RPN2: variants seen among roughly 807,000 people sequenced by gnomAD.
The protein encoded by RPN2 is dolichyl-diphosphooligosaccharide--protein glycosyltransferase subunit 2.
RPN2 carries 29 observed loss-of-function variants against 71.4 expected under a neutral mutation model. That is an observed-to-expected ratio of 0.41 (90% confidence interval 0.30 to 0.55). RPN2 has a LOEUF of 0.55. Among genes scored for constraint, RPN2 ranks in the 20% least tolerant of loss-of-function variants. The probability of loss-of-function intolerance (pLI) is 0.35; values close to 1 mark genes in which losing one functional copy is unlikely to be tolerated. For missense variants in RPN2, 726 were observed against 774.1 expected, an observed-to-expected ratio of 0.94 and a Z score of 0.74; for synonymous variants, 308 against 305.0, an observed-to-expected ratio of 1.01 and a Z score of -0.10.
At chr20:37,223,421 GA>G (rs1032112560) in intron 9 of RPN2, among the ~76,000 whole-genome samples, 1 of 152,118 alleles carries the variant, frequency 6.6e-6, no homozygotes. Context: ...TTCCTTATCT[GA>G]AAAGCAGTAC....
At chr20:37,186,387 A>G (rs190921694) in intron 2 of RPN2, among the ~76,000 whole-genome samples, 10 of 152,288 alleles carry the variant, frequency 6.6e-5, no homozygotes, top group African/African-American at 1.9e-4. Context: ...ATCTGTAGGG[A>G]CTTTAGGCAT....
chr20:37,204,947 A>G, intron 6 of RPN2, 46 bp downstream of exon 6: 2 of 1,613,738 alleles, frequency 1.2e-6, no homozygotes, highest in African/African-American at 2.7e-5. Flanking sequence ...AGGGGTCATC[A>G]GCTGTATCTG....
intron 14 of RPN2, among the ~76,000 whole-genome samples, chr20:37,233,297 A>C (rs1052814882): frequency 1.3e-5 from 2 of 152,138 alleles, no homozygotes; most frequent in African/African-American, 4.8e-5. Context: ...AATGTAGAGG[A>C]AGTAACTTTT....
chr20:37,239,760 CT>C (rs976043790), intron 16 of RPN2, among the ~76,000 whole-genome samples: 14 of 152,164 alleles, frequency 9.2e-5, no homozygotes, highest in African/African-American at 2.9e-4. Context: ...CCCGGTGCCC[CT>C]TTTAGAGTCC....
At chr20:37,190,506 T>C (rs1313627759) in intron 2 of RPN2, among the ~76,000 whole-genome samples, 1 of 152,212 alleles carries the variant, frequency 6.6e-6, no homozygotes, top group Non-Finnish European at 1.5e-5. Flanking sequence ...ATAATAATAC[T>C]CAGCTCACAG....
At chr20:37,236,124 A>G (rs2068381307) in intron 15 of RPN2, among the ~76,000 whole-genome samples, 1 of 93,648 alleles carries the variant, frequency 1.1e-5, no homozygotes, top group African/African-American at 4.0e-5. Context: ...GAGACGAGGT[A>G]TCACTGTCAC....
Position 37,198,414 on chromosome 20 carries a change from C to G in RPN2, c.225C>G (p.Ile75Met), listed in dbSNP as rs558570645. Residue 75 changes from isoleucine (I) to methionine (M), a missense_variant, in exon 3 of 17, where the codon ATC becomes ATG. Transcript: ENST00000237530. ...CTGTGTAGAAAGCATGTACCTACAT[C>G]AGATCTAACCTTGATCCCAGCAATG... ...VPDAKKACTY[I>M]RSNLDPSNVD... 2 of 1,614,220 alleles carry G rather than the reference C, an allele frequency of 1.2e-6. No homozygotes were observed. The highest frequency in any genetic ancestry group is 2.7e-5 in the African/African-American group (2 of 75,056).
Position 37,210,065 on chromosome 20 carries a change from C to T in RPN2, c.886C>T (p.Leu296=), listed in dbSNP as rs766795746. Reference sequence around the variant, plus strand: ...TTTCCAGTTGCAAGTCACCAATGTTCTGTCTCAGCCTCTGACTCAGGCCAC... The same window carrying T: ...TTTCCAGTTGCAAGTCACCAATGTTTTGTCTCAGCCTCTGACTCAGGCCAC... ...AILRLQVTNV[L]SQPLTQATVK... Residue 296 remains leucine, a synonymous_variant, in exon 8 of 17, where the codon CTG becomes TTG. Transcript: ENST00000237530. 6 of 1,614,000 alleles carry T rather than the reference C, an allele frequency of 3.7e-6. No homozygotes were observed. In the Admixed American group the frequency reaches 1.0e-4, roughly 27 times the overall value.
Position 37,241,325 on chromosome 20 carries a change from A to G in RPN2, c.*10A>G. The G allele has an allele frequency of 6.2e-7, 1 of 1,612,830 alleles. No individual in the cohort carries two copies. The highest frequency in any genetic ancestry group is 8.5e-7 in the Non-Finnish European group (1 of 1,179,278). ...CAGAACAGCACATTAGTTCCAGAAG[A>G]AAGATGGAAATTCTGAAAACTGAAT... On this transcript the variant is annotated 3_prime_UTR_variant, in exon 17 of 17. Transcript: ENST00000237530.
At chr20:37,214,096 T>G (rs541572690) in intron 9 of RPN2, among the ~76,000 whole-genome samples, 1 of 152,378 alleles carries the variant, frequency 6.6e-6, no homozygotes, top group East Asian at 1.9e-4. Context: ...GTTTTTCATT[T>G]TCCATTATAA....
intron 16 of RPN2, among the ~76,000 whole-genome samples, chr20:37,238,968 C>T (rs2068479569): frequency 6.6e-6 from 1 of 152,128 alleles, no homozygotes; most frequent in South Asian, 2.1e-4. Flanking sequence ...CATCAGAATC[C>T]AGGTTCCTAG....
At chr20:37,224,982 G>A (rs928242139) in intron 10 of RPN2, among the ~76,000 whole-genome samples, 1 of 152,204 alleles carries the variant, frequency 6.6e-6, no homozygotes, top group African/African-American at 2.4e-5. Flanking sequence ...TAGATGAAGA[G>A]TTGGTCTTAC....
At chr20:37,212,855 T>C (rs2067708501) in intron 8 of RPN2, among the ~76,000 whole-genome samples, 1 of 152,278 alleles carries the variant, frequency 6.6e-6, no homozygotes, top group East Asian at 1.9e-4. Flanking sequence ...AGAAAATGCG[T>C]TTCTTAATCA....
intron 9 of RPN2, among the ~76,000 whole-genome samples, chr20:37,218,015 G>A (rs1299552349): frequency 6.6e-6 from 1 of 152,198 alleles, no homozygotes; most frequent in East Asian, 1.9e-4. Flanking sequence ...TGGGATTACA[G>A]ATGTGAACCA....
At chr20:37,231,967 C>G (rs549130553) in intron 13 of RPN2, among the ~76,000 whole-genome samples, 46 of 152,306 alleles carry the variant, frequency 3.0e-4, no homozygotes, top group African/African-American at 9.6e-4. Context: ...ATCCATATAC[C>G]TGGGCACCCT....
chr20:37,213,727 A>C, intron 8 of RPN2, 33 bp from the exon 9 acceptor site: 1 of 1,502,636 alleles, frequency 6.7e-7, no homozygotes, highest in East Asian at 2.3e-5. Context: ...TTCCTACCTG[A>C]GTTCTTGCTA....
intron 11 of RPN2, among the ~76,000 whole-genome samples, chr20:37,226,235 G>A (rs1407356941): frequency 6.6e-6 from 1 of 152,252 alleles, no homozygotes; most frequent in East Asian, 1.9e-4. Context: ...ACCATGCCCA[G>A]CTAATTTTTG....
intron 2 of RPN2, among the ~76,000 whole-genome samples, chr20:37,196,387 G>A (rs749007349): frequency 2.0e-5 from 3 of 152,094 alleles, no homozygotes; most frequent in Admixed American, 6.6e-5. Flanking sequence ...CCACCACCAC[G>A]CCCAGCTAAT....
chr20:37,214,900 T>A (rs971795299), intron 9 of RPN2, among the ~76,000 whole-genome samples: 6 of 152,156 alleles, frequency 3.9e-5, no homozygotes, highest in Non-Finnish European at 7.4e-5. Context: ...CCTAATGATG[T>A]TGTCTGTAAT....
Sources: gnomAD v4.1 joint callset for allele counts (sites outside exome capture counted in the v4.1 genomes callset) on GRCh38, gnomAD v4.1.1 for gene constraint, MANE v1.5 for transcripts, NCBI Gene and HGNC (gene_info 2026-07-23, HGNC 2026-07-21) for gene names.